DACH2: variants seen among roughly 807,000 people sequenced by gnomAD.
The protein encoded by DACH2 is dachshund family transcription factor 2, also known as dachshund homolog 2.
Under a neutral mutation model 35.8 loss-of-function variants are expected in DACH2, and 17 were observed. The ratio of observed to expected loss-of-function variants is 0.48; its 90% CI spans 0.33 to 0.71. The LOEUF (loss-of-function observed/expected upper bound fraction) is 0.71. Ranked by LOEUF, DACH2 falls within the 30% of genes least tolerant of loss-of-function variation. DACH2 has a pLI of 0.02. For synonymous variants in DACH2, 195 were observed against 177.3 expected (o/e 1.10, Z -0.79); for missense variants, 469 against 472.7 (o/e 0.99, Z 0.07).
rs552081818 is a variant in DACH2 at position 86,499,735 on chromosome X, G to A, written c.528-14544G>A. Among the ~76,000 whole-genome samples, 12 of 111,471 alleles carry A rather than the reference G, an allele frequency of 1.1e-4. No individual in the cohort carries two copies. The South Asian group carries it at 4.2e-3, about 39-fold the overall frequency. On this transcript the variant is annotated intron_variant, in intron 2 of 11. Transcript: ENST00000373125. ...TCCTTCATGATTTTTCATTGCAATT[G>A]TAATGGTTTTATCTTCAATCACATA... is the stretch of plus-strand genomic sequence containing the variant.
intron 1 of DACH2, among the ~76,000 whole-genome samples, chrX:86,358,431 CCACACACA>C (rs752012562): frequency 0.05 from 4,351 of 87,377 alleles, 208 homozygotes; most frequent in African/African-American, 0.14. Context: ...CCCAGCCCCG[CCACACACA>C]CACACACACA....
intron 1 of DACH2, among the ~76,000 whole-genome samples, chrX:86,360,042 T>C (rs922867924): frequency 2.7e-5 from 3 of 109,475 alleles, no homozygotes; most frequent in Non-Finnish European, 5.7e-5. Flanking sequence ...TCACCATGCC[T>C]GGATAATTTT....
intron 1 of DACH2, among the ~76,000 whole-genome samples, chrX:86,295,013 C>T (rs999869904): frequency 3.0e-4 from 34 of 112,841 alleles, no homozygotes; most frequent in African/African-American, 9.6e-4. Context: ...GGCGCCCCTC[C>T]TCCAGCCTCA....
chrX:86,379,126 A>G (rs1292924972), intron 2 of DACH2, among the ~76,000 whole-genome samples: 1 of 111,327 alleles, frequency 9.0e-6, no homozygotes, highest in Non-Finnish European at 1.9e-5. Context: ...TGTGTATAAC[A>G]TGTGTTGTTT....
At chrX:86,619,006 T>G (rs987590286) in intron 3 of DACH2, among the ~76,000 whole-genome samples, 1 of 112,278 alleles carries the variant, frequency 8.9e-6, no homozygotes, top group African/African-American at 3.2e-5. Flanking sequence ...TTCTCCCATA[T>G]AGTCCAGCTA....
chrX:86,390,720 G>A (rs1443946473), intron 2 of DACH2, among the ~76,000 whole-genome samples: 1 of 109,414 alleles, frequency 9.1e-6, no homozygotes, highest in South Asian at 4.1e-4. Flanking sequence ...CTCCGGGGTA[G>A]TCGAGATTAC....
chrX:86,331,479 C>A (rs1412685548), intron 1 of DACH2, among the ~76,000 whole-genome samples: 1 of 110,540 alleles, frequency 9.0e-6, no homozygotes, highest in East Asian at 2.9e-4. Context: ...AACAAACAAA[C>A]AAACAAACAA....
At chrX:86,776,488 T>A (rs1371804575) in intron 7 of DACH2, among the ~76,000 whole-genome samples, 1 of 112,288 alleles carries the variant, frequency 8.9e-6, no homozygotes, top group East Asian at 2.8e-4. Flanking sequence ...CTGAGAATGG[T>A]GTACAAATGG....
intron 1 of DACH2, among the ~76,000 whole-genome samples, chrX:86,208,232 C>A (rs183779930): frequency 2.7e-4 from 30 of 110,078 alleles, no homozygotes; most frequent in African/African-American, 9.2e-4. Context: ...AACTCCTGGG[C>A]AGACAGCATG....
intron 6 of DACH2, among the ~76,000 whole-genome samples, chrX:86,724,520 C>A (rs66483033): frequency 9.0e-6 from 1 of 110,832 alleles, no homozygotes; most frequent in Non-Finnish European, 1.9e-5. Flanking sequence ...AAATGTCATA[C>A]AATTCTCTTC....
chrX:86,507,946 C>A (rs2038348254), intron 2 of DACH2, among the ~76,000 whole-genome samples: 1 of 110,942 alleles, frequency 9.0e-6, no homozygotes, highest in Admixed American at 9.6e-5. Context: ...TATGATGGAA[C>A]AAAAATATTG....
chrX:86,299,223 C>T (rs1270052877), intron 1 of DACH2, among the ~76,000 whole-genome samples: 5 of 111,870 alleles, frequency 4.5e-5, no homozygotes, highest in African/African-American at 6.5e-5. Context: ...AAGGAGAATA[C>T]GTAATGTTGG....
intron 2 of DACH2, among the ~76,000 whole-genome samples, chrX:86,483,778 G>A (rs1024246877): frequency 1.8e-5 from 2 of 110,903 alleles, no homozygotes; most frequent in East Asian, 5.7e-4. Context: ...GCTTCAGTGA[G>A]CCGTAATCAT....
intron 3 of DACH2, among the ~76,000 whole-genome samples, chrX:86,604,102 A>T (rs1248199790): frequency 9.0e-6 from 1 of 111,480 alleles, no homozygotes; most frequent in Non-Finnish European, 1.9e-5. Context: ...AAAAAAGTAT[A>T]TTCTGCTGCT....
At chrX:86,238,887 G>A (rs2033109773) in intron 1 of DACH2, among the ~76,000 whole-genome samples, 1 of 110,968 alleles carries the variant, frequency 9.0e-6, no homozygotes, top group African/African-American at 3.3e-5. Flanking sequence ...TATCAATATT[G>A]TTCTTAAACA....
intron 3 of DACH2, among the ~76,000 whole-genome samples, chrX:86,610,169 A>T (rs892534506): frequency 1.8e-5 from 2 of 111,001 alleles, no homozygotes; most frequent in African/African-American, 6.6e-5. Context: ...ACTGCAGCAG[A>T]CCTTCCCATT....
intron 4 of DACH2, among the ~76,000 whole-genome samples, chrX:86,679,616 CTGTGTGTGTGTGTGTGTGTG>C (rs67988965): frequency 2.4e-4 from 23 of 96,285 alleles, no homozygotes; most frequent in Non-Finnish European, 3.6e-4. Context: ...CTCTCTGTCT[CTGTGTGTGTGTGTGTGTGTG>C]TGTGTGTGTG....
intron 3 of DACH2, among the ~76,000 whole-genome samples, chrX:86,561,756 C>T (rs1320794046): frequency 6.4e-5 from 3 of 47,201 alleles, no homozygotes; most frequent in Admixed American, 2.7e-4. Context: ...GTGGTGGGGT[C>T]GGGGGAGGGG....
At chrX:86,741,419 A>T (rs2041654680) in intron 7 of DACH2, among the ~76,000 whole-genome samples, 2 of 111,749 alleles carry the variant, frequency 1.8e-5, no homozygotes, top group African/African-American at 6.5e-5. Context: ...TTGGTCTGGA[A>T]TAGAGCCTGG....
Sources: gnomAD v4.1 joint callset for allele counts (sites outside exome capture counted in the v4.1 genomes callset) on GRCh38, gnomAD v4.1.1 for gene constraint, MANE v1.5 for transcripts, NCBI Gene and HGNC (gene_info 2026-07-23, HGNC 2026-07-21) for gene names.